NBEA: variants seen among roughly 807,000 people sequenced by gnomAD.
NBEA encodes the protein neurobeachin.
NBEA carries 44 observed loss-of-function variants against 343.4 expected under a neutral mutation model. The ratio of observed to expected loss-of-function variants is 0.13; its 90% CI spans 0.10 to 0.16. The LOEUF (loss-of-function observed/expected upper bound fraction) is 0.16, where lower values mean the gene tolerates loss of function less well. NBEA is among the 10% of genes least tolerant of loss of function. The pLI, the probability that NBEA is intolerant of heterozygous loss-of-function variation, is 1.00. For synonymous variants in NBEA, 1,175 were observed against 1,238.7 expected, an observed-to-expected ratio of 0.95 and a Z score of 1.08; for missense variants, 2,555 against 3,631.3, an observed-to-expected ratio of 0.70 and a Z score of 7.62.
At chr13:35,086,654 C>T (rs1296845259) in intron 10 of NBEA, among the ~76,000 whole-genome samples, 1 of 151,924 alleles carries the variant, frequency 6.6e-6, no homozygotes, top group Non-Finnish European at 1.5e-5. Flanking sequence ...TACAGATTTC[C>T]TTTCCTTTGG....
intron 34 of NBEA, among the ~76,000 whole-genome samples, chr13:35,281,949 G>A (rs1269446910): frequency 6.6e-6 from 1 of 151,952 alleles, no homozygotes; most frequent in East Asian, 1.9e-4. Flanking sequence ...GTCTTACTCT[G>A]TCACCCAGGC....
In NBEA at chr13:35,631,274, T is replaced by A. The variant is rs575417963; in HGVS notation, c.7617+3026T>A. 4.6e-5 allele frequency among the ~76,000 whole-genome samples: 7 copies of A among 152,284 alleles called. No individual in the cohort carries two copies. The East Asian group carries it at 1.3e-3, about 29-fold the overall frequency. ...ATACAACCCCTATGAGTAGACCATG[T>A]GGGAGGCACAATACCTTTTTTTAAA... On this transcript the variant is annotated intron_variant, in intron 49 of 58. Transcript: ENST00000379939.
chr13:35,152,523 A>G (rs1159649328), intron 18 of NBEA, among the ~76,000 whole-genome samples: 3 of 152,202 alleles, frequency 2.0e-5, no homozygotes. Flanking sequence ...AAATTTATGC[A>G]TGATGAAGCT....
At chr13:35,363,621 T>G (rs1479893559) in intron 38 of NBEA, among the ~76,000 whole-genome samples, 1 of 151,918 alleles carries the variant, frequency 6.6e-6, no homozygotes, top group South Asian at 2.1e-4. Flanking sequence ...CTGCTTGTTC[T>G]GAAAGGGTTG....
At chr13:35,177,228 C>A in intron 28 of NBEA, 125 bp downstream of exon 28, 1 of 641,184 alleles carries the variant, frequency 1.6e-6, no homozygotes, top group African/African-American at 1.8e-5. Flanking sequence ...TGGTTTATTG[C>A]ATACTTCTCA....
Position 35,105,799 on chromosome 13 carries a change from T to C in NBEA, c.1681-3491T>C, listed in dbSNP as rs17051860. ...GGGAGGAGCAGAATGGATAATAGACTATAAGGTACCTCTACAATTACAATA... is the reference window on the plus strand; with the variant it reads ...GGGAGGAGCAGAATGGATAATAGACCATAAGGTACCTCTACAATTACAATA... On this transcript the variant is annotated intron_variant, in intron 11 of 58. Coordinates refer to ENST00000379939, the MANE Select transcript of NBEA (RefSeq NM_001385012.1). Among the ~76,000 whole-genome samples, 1,166 of 152,108 alleles carry C rather than the reference T, an allele frequency of 7.7e-3. 16 individuals carry two copies. The highest frequency in any genetic ancestry group is 0.026 in the African/African-American group (1,097 of 41,536).
chr13:35,627,348 C>T (rs1443839328), intron 48 of NBEA, among the ~76,000 whole-genome samples: 4 of 152,174 alleles, frequency 2.6e-5, no homozygotes, highest in Admixed American at 2.6e-4. Context: ...TGCACCATCA[C>T]TACTTATTTC....
chr13:35,539,109 G>C (rs532363473), intron 41 of NBEA, among the ~76,000 whole-genome samples: 2 of 152,166 alleles, frequency 1.3e-5, no homozygotes, highest in East Asian at 3.8e-4. Context: ...ACTGCCATGT[G>C]CTAGGCTCTG....
intron 40 of NBEA, among the ~76,000 whole-genome samples, chr13:35,467,272 G>T (rs2075423412): frequency 6.6e-6 from 1 of 152,104 alleles, no homozygotes; most frequent in Admixed American, 6.5e-5. Flanking sequence ...AGGAGTTCAA[G>T]ACCAGCCTGG....
At chr13:35,378,462 A>G (rs1389975309) in intron 38 of NBEA, among the ~76,000 whole-genome samples, 2 of 152,198 alleles carry the variant, frequency 1.3e-5, no homozygotes, top group African/African-American at 4.8e-5. Flanking sequence ...GCCACTGCTT[A>G]TAAAGTTAGC....
intron 38 of NBEA, among the ~76,000 whole-genome samples, chr13:35,414,368 T>C (rs919078303): frequency 6.6e-6 from 1 of 152,102 alleles, no homozygotes; most frequent in African/African-American, 2.4e-5. Flanking sequence ...CTCCTAATGC[T>C]ATCCCTCCTC....
chr13:35,025,786 A>G (rs1289352305), intron 1 of NBEA, among the ~76,000 whole-genome samples: 1 of 151,616 alleles, frequency 6.6e-6, no homozygotes, highest in Non-Finnish European at 1.5e-5. Context: ...TTTCTTCTCC[A>G]TCTTCATTTT....
intron 33 of NBEA, among the ~76,000 whole-genome samples, chr13:35,230,951 A>G (rs1420444625): frequency 6.6e-6 from 1 of 152,030 alleles, no homozygotes; most frequent in East Asian, 1.9e-4. Context: ...ATTCTGATCC[A>G]CATTAAAGCT....
At chr13:35,290,205 T>C (rs2035713671) in intron 34 of NBEA, among the ~76,000 whole-genome samples, 184 bp from the exon 35 acceptor site, 1 of 151,842 alleles carries the variant, frequency 6.6e-6, no homozygotes, top group African/African-American at 2.4e-5. Flanking sequence ...ACTGGAAGTG[T>C]ATCTAAATAG....
chr13:34,973,093 C>T (rs1006765636), intron 1 of NBEA, among the ~76,000 whole-genome samples: 4 of 151,994 alleles, frequency 2.6e-5, no homozygotes, highest in Non-Finnish European at 2.9e-5. Context: ...TTAGTCATTT[C>T]GGGTTTTCCA....
intron 1 of NBEA, among the ~76,000 whole-genome samples, chr13:34,987,004 A>G (rs2060573862): frequency 6.6e-6 from 1 of 150,824 alleles, no homozygotes; most frequent in African/African-American, 2.4e-5. Flanking sequence ...CATTTAGTCC[A>G]TTTACATTTA....
intron 48 of NBEA, among the ~76,000 whole-genome samples, chr13:35,618,682 A>G (rs2082846455): frequency 6.6e-6 from 1 of 152,208 alleles, no homozygotes; most frequent in Non-Finnish European, 1.5e-5. Flanking sequence ...TATTAGACTG[A>G]CTTACTCATG....
intron 17 of NBEA, among the ~76,000 whole-genome samples, chr13:35,136,228 A>G (rs190480456): frequency 7.9e-5 from 12 of 152,184 alleles, no homozygotes; most frequent in African/African-American, 2.9e-4. Flanking sequence ...TACAAAGCCA[A>G]CGGAATTCCT....
At chr13:35,342,931 A>C (rs1456955998) in intron 36 of NBEA, among the ~76,000 whole-genome samples, 1 of 152,054 alleles carries the variant, frequency 6.6e-6, no homozygotes, top group Non-Finnish European at 1.5e-5. Flanking sequence ...CAATAAGCAC[A>C]ATAAATATAA....
Sources: allele counts gnomAD v4.1 joint callset (sites outside exome capture counted in the v4.1 genomes callset), GRCh38; gene constraint gnomAD v4.1.1; transcripts MANE v1.5; gene names NCBI Gene and HGNC (gene_info 2026-07-23, HGNC 2026-07-21).